COL4A6: variants seen among roughly 807,000 people sequenced by gnomAD.
The protein encoded by COL4A6 is collagen type IV alpha 6 chain.
In COL4A6, 59 loss-of-function variants were observed where a neutral mutation model predicts 126.7. The observed-to-expected ratio is 0.47, with a 90% CI of 0.38 to 0.58. The LOEUF is 0.58. Ranked by LOEUF, COL4A6 falls within the 20% of genes least tolerant of loss-of-function variation. COL4A6 has a pLI of 0.00. For synonymous variants in COL4A6, 547 were observed against 496.6 expected (o/e 1.10, Z -1.35); for missense variants, 1,285 against 1,337.3 (o/e 0.96, Z 0.61).
At chrX:108,158,695 C>T (rs1256371962) in intron 44 of COL4A6, among the ~76,000 whole-genome samples, 4 of 112,120 alleles carry the variant, frequency 3.6e-5, no homozygotes, top group Non-Finnish European at 5.6e-5. Context: ...CAGCTTTGGT[C>T]ATTTTTAAAG....
chrX:108,361,227 C>T (rs1453643043), intron 2 of COL4A6, among the ~76,000 whole-genome samples: 2 of 111,379 alleles, frequency 1.8e-5, no homozygotes, highest in Admixed American at 1.9e-4. Context: ...AGGCCTTCAT[C>T]CCTTAGCAGT....
At chrX:108,326,600 A>G (rs886872782) in intron 2 of COL4A6, among the ~76,000 whole-genome samples, 1 of 112,488 alleles carries the variant, frequency 8.9e-6, no homozygotes, top group Non-Finnish European at 1.9e-5. Context: ...AGACAAAAGT[A>G]TGAATGAAAC....
At chrX:108,389,985 T>C (rs2040797976) in intron 2 of COL4A6, among the ~76,000 whole-genome samples, 1 of 111,892 alleles carries the variant, frequency 8.9e-6, no homozygotes, top group Non-Finnish European at 1.9e-5. Context: ...CCTTCACTTA[T>C]GAAGCTTAGT....
chrX:108,181,032 G>T (rs927944007), intron 23 of COL4A6, 64 bp from the exon 24 acceptor site: 2 of 942,282 alleles, frequency 2.1e-6, no homozygotes, highest in East Asian at 3.2e-5. Flanking sequence ...TCCCTAGTAC[G>T]CTCCTTTACT....
At chrX:108,297,694 A>C (rs1409255529) in intron 3 of COL4A6, among the ~76,000 whole-genome samples, 1 of 111,280 alleles carries the variant, frequency 9.0e-6, no homozygotes, top group African/African-American at 3.3e-5. Context: ...CCAAATGGCA[A>C]ATTTCTCTAC....
intron 2 of COL4A6, among the ~76,000 whole-genome samples, chrX:108,344,644 G>GA (rs1270120624): frequency 9.0e-6 from 1 of 111,558 alleles, no homozygotes; most frequent in African/African-American, 3.3e-5. Flanking sequence ...GTGATTATGA[G>GA]AAAAAATGCT....
intron 3 of COL4A6, among the ~76,000 whole-genome samples, chrX:108,285,792 C>T (rs1331350065): frequency 8.9e-6 from 1 of 111,880 alleles, no homozygotes; most frequent in Admixed American, 9.5e-5. Flanking sequence ...CCCAGAAACA[C>T]TGAAAAGCTG....
At chrX:108,411,137 G>A in intron 2 of COL4A6, among the ~76,000 whole-genome samples, 1 of 112,139 alleles carries the variant, frequency 8.9e-6, no homozygotes, top group East Asian at 2.8e-4. Context: ...AAAAAAGATA[G>A]GATCAGAGGT....
At chrX:108,278,242 G>GA (rs1471884435) in intron 3 of COL4A6, among the ~76,000 whole-genome samples, 2 of 111,489 alleles carry the variant, frequency 1.8e-5, no homozygotes, top group African/African-American at 6.5e-5. Flanking sequence ...TGAAAACTTT[G>GA]AAAAAAATTT....
intron 3 of COL4A6, among the ~76,000 whole-genome samples, chrX:108,289,791 T>C (rs749133244): frequency 2.7e-5 from 3 of 111,916 alleles, no homozygotes; most frequent in Admixed American, 1.9e-4. Flanking sequence ...TTAATTCTTA[T>C]TGAATTTATA....
intron 23 of COL4A6, among the ~76,000 whole-genome samples, chrX:108,184,866 T>C (rs1384066630): frequency 2.7e-5 from 3 of 112,429 alleles, no homozygotes; most frequent in Non-Finnish European, 3.8e-5. Context: ...GGTTCTCAAA[T>C]AGTTAAAATG....
chrX:108,161,846 A>C (rs1367443393), intron 41 of COL4A6, 111 bp from the exon 42 acceptor site: 1 of 503,910 alleles, frequency 2.0e-6, no homozygotes, highest in Non-Finnish European at 3.4e-6. Context: ...GAGACGATGC[A>C]CTTGGCTGTC....
chrX:108,415,674 A>G (rs940701150), intron 2 of COL4A6, among the ~76,000 whole-genome samples: 55 of 112,396 alleles, frequency 4.9e-4, no homozygotes, highest in African/African-American at 1.5e-3. Context: ...TGAGTTTCTT[A>G]AAGTTCACTC....
At position 108,214,248 on chromosome X, in the gene COL4A6, G is replaced by T; in HGVS notation, c.325-20C>A. On this transcript the variant is annotated intron_variant, in intron 5 of 44. Transcript: ENST00000334504. ...GTGGCCCTGTTCAAAGAGAAAAGAA[G>T]GGATCAAGTTAGCCAAAGGACTGTC... The T allele has an allele frequency of 9.0e-7, 1 of 1,106,709 alleles. No homozygotes were observed. Among genetic ancestry groups the T allele is most frequent in the Non-Finnish European group, 1.2e-6 (1 of 812,186 alleles). 91.2% of individuals were successfully genotyped at this position (1,106,709 alleles called of 1,213,427 possible).
Position 108,174,429 on chromosome X carries a change from G to A in COL4A6, c.3138+11C>T, listed in dbSNP as rs1404401513. 16 of 1,207,651 alleles carry A rather than the reference G, an allele frequency of 1.3e-5. No homozygotes were observed. Among genetic ancestry groups the A allele is most frequent in the Non-Finnish European group, 1.6e-5 (14 of 893,721 alleles). On this transcript the variant is annotated intron_variant, in intron 31 of 44. Coordinates refer to ENST00000334504, the MANE Select transcript of COL4A6 (RefSeq NM_033641.4). ...TTTCTGGTATAAAGACAAAGATCTG[G>A]TCACACTTACACTTTCTCCTGGCAT...
intron 2 of COL4A6, among the ~76,000 whole-genome samples, chrX:108,326,944 T>G (rs891259090): frequency 9.8e-5 from 11 of 111,780 alleles, no homozygotes; most frequent in African/African-American, 3.6e-4. Context: ...ATGAAGAAAT[T>G]GGACATCATC....
chrX:108,161,474 C>G (rs1487704250), intron 42 of COL4A6, 145 bp downstream of exon 42: 1 of 443,101 alleles, frequency 2.3e-6, no homozygotes, highest in African/African-American at 2.5e-5. Flanking sequence ...GGACTTAGAG[C>G]CCAGTTTTTG....
chrX:108,193,250 T>C (rs2035105526), intron 17 of COL4A6, among the ~76,000 whole-genome samples: 1 of 112,046 alleles, frequency 8.9e-6, no homozygotes, highest in Non-Finnish European at 1.9e-5. Context: ...ATTGTCAAGC[T>C]CAAGCATACA....
intron 2 of COL4A6, among the ~76,000 whole-genome samples, chrX:108,316,878 T>C (rs1458765293): frequency 8.9e-6 from 1 of 112,312 alleles, no homozygotes; most frequent in Non-Finnish European, 1.9e-5. Context: ...ATGGGATACA[T>C]GGTAAAGCCA....
Sources: allele counts gnomAD v4.1 joint callset (sites outside exome capture counted in the v4.1 genomes callset), GRCh38; gene constraint gnomAD v4.1.1; transcripts MANE v1.5; gene names NCBI Gene and HGNC (gene_info 2026-07-23, HGNC 2026-07-21).